The following EYS variants were observed in gnomAD, a reference collection of about 807,000 sequenced individuals.
EYS encodes the protein protein eyes shut homolog.
A neutral mutation model predicts 282.1 loss-of-function variants in EYS; 250 were observed. The ratio of observed to expected loss-of-function variants is 0.89; its 90% CI spans 0.80 to 0.98. The LOEUF (loss-of-function observed/expected upper bound fraction) is 0.98, where lower values mean the gene tolerates loss of function less well. Ranked by LOEUF, EYS falls within the 50% of genes least tolerant of loss-of-function variation. The pLI, the probability that EYS is intolerant of heterozygous loss-of-function variation, is 0.00. For missense variants in EYS, 4,016 were observed against 3,709.0 expected, an observed-to-expected ratio of 1.08 and a Z score of -2.15; for synonymous variants, 1,355 against 1,282.9, an observed-to-expected ratio of 1.06 and a Z score of -1.20.
chr6:65,664,226 G>A (rs1768124163), intron 1 of EYS, among the ~76,000 whole-genome samples: 1 of 152,060 alleles, frequency 6.6e-6, no homozygotes, highest in African/African-American at 2.4e-5. Context: ...AATAGTGAAA[G>A]AACCAGAAAG....
intron 5 of EYS, among the ~76,000 whole-genome samples, chr6:65,483,214 CTA>C (rs1225270118): frequency 6.6e-6 from 1 of 151,942 alleles, no homozygotes; most frequent in Non-Finnish European, 1.5e-5. Context: ...TATTTGTACT[CTA>C]TTTCACAATA....
At chr6:64,096,611 T>G (rs1449340595) in intron 31 of EYS, among the ~76,000 whole-genome samples, 1 of 152,238 alleles carries the variant, frequency 6.6e-6, no homozygotes. Context: ...TCAGGTCCTT[T>G]AAGGACTTCT....
rs1013019897 is a variant in EYS at position 65,560,672 on chromosome 6, C to A, written c.-332-64679G>T. On this transcript the variant is annotated intron_variant, in intron 2 of 42. Coordinates refer to ENST00000503581, the MANE Select transcript of EYS (RefSeq NM_001142800.2). Reference sequence around the variant, plus strand: ...ACATATTTTATTCTTTCTGAAGAATCTAAAAGCACACAACTTTTAAGTTAA... The same window carrying A: ...ACATATTTTATTCTTTCTGAAGAATATAAAAGCACACAACTTTTAAGTTAA... Among the ~76,000 whole-genome samples the A allele has an allele frequency of 4.0e-5, 6 of 151,548 alleles. No individual in the cohort carries two copies. The South Asian group carries it at 1.0e-3, about 26-fold the overall frequency.
intron 35 of EYS, among the ~76,000 whole-genome samples, chr6:63,943,654 T>C (rs1765306189): frequency 6.6e-6 from 1 of 152,234 alleles, no homozygotes; most frequent in Non-Finnish European, 1.5e-5. Context: ...TACATAGATT[T>C]AAGGCAATTC....
At chr6:65,297,679 A>G (rs750170681) in intron 11 of EYS, among the ~76,000 whole-genome samples, 1 of 151,994 alleles carries the variant, frequency 6.6e-6, no homozygotes, top group Non-Finnish European at 1.5e-5. Context: ...TGCATTTTTT[A>G]CTGGGCAAGT....
intron 26 of EYS, among the ~76,000 whole-genome samples, chr6:64,544,973 C>A (rs1199255328): frequency 6.6e-6 from 1 of 152,168 alleles, no homozygotes; most frequent in Non-Finnish European, 1.5e-5. Flanking sequence ...CCTTCTGAAA[C>A]TATTCCAATC....
At position 64,822,780 on chromosome 6, in the gene EYS, G is replaced by T; in HGVS notation, c.3035C>A (p.Pro1012His). 6.5e-7 allele frequency: 1 copy of T among 1,549,808 alleles called. No individual in the cohort carries two copies. The highest frequency in any genetic ancestry group is 8.7e-7 in the Non-Finnish European group (1 of 1,145,890). Residue 1012 changes from proline (P) to histidine (H), a missense_variant, in exon 20 of 43, where the codon CCC (proline) becomes CAC (histidine). Pro to His is a moderately conservative substitution (Grantham distance 77). Transcript: ENST00000503581. ...EINLDECLSE[P>H]CLHDGVCIDG... ...GATACAAACTCCATCATGGAGACAG[G>T]GCTCTGATAGGCATTCATCTAGATT...
intron 22 of EYS, among the ~76,000 whole-genome samples, chr6:64,754,595 C>T (rs1772872161): frequency 1.3e-5 from 2 of 152,042 alleles, no homozygotes; most frequent in Non-Finnish European, 2.9e-5. Flanking sequence ...CAATAAAATG[C>T]TAGTAAACCA....
chr6:64,227,728 A>G (rs1204191831), intron 31 of EYS, among the ~76,000 whole-genome samples: 1 of 152,120 alleles, frequency 6.6e-6, no homozygotes, highest in South Asian at 2.1e-4. Context: ...TCATTCCTGA[A>G]GCAGAAGTTC....
chr6:65,197,078 A>G (rs142337027), intron 12 of EYS, among the ~76,000 whole-genome samples: 11 of 152,094 alleles, frequency 7.2e-5, no homozygotes, highest in Admixed American at 2.0e-4. Context: ...AGCTTTGTGG[A>G]GAGTAACAAC....
chr6:64,435,638 T>A (rs1774717294), intron 28 of EYS, among the ~76,000 whole-genome samples: 1 of 151,704 alleles, frequency 6.6e-6, no homozygotes. Flanking sequence ...AAAATTAAAA[T>A]TTACTAAAAA....
chr6:64,991,584 T>C (rs940279211), intron 14 of EYS, among the ~76,000 whole-genome samples: 3 of 151,674 alleles, frequency 2.0e-5, no homozygotes, highest in Non-Finnish European at 4.4e-5. Flanking sequence ...GATTTTCTGA[T>C]TAGTAAATGC....
intron 33 of EYS, among the ~76,000 whole-genome samples, chr6:64,048,382 G>T (rs566114097): frequency 6.6e-6 from 1 of 152,168 alleles, no homozygotes; most frequent in African/African-American, 2.4e-5. Context: ...TTGTGACTTT[G>T]GTTCTGCATG....
chr6:64,759,051 A>G (rs1489848287), intron 22 of EYS, among the ~76,000 whole-genome samples: 1 of 152,172 alleles, frequency 6.6e-6, no homozygotes, highest in East Asian at 1.9e-4. Flanking sequence ...AGGCAGGAGA[A>G]TGGCGTGAAC....
At chr6:64,587,452 T>C (rs915515800) in intron 26 of EYS, among the ~76,000 whole-genome samples, 1 of 152,052 alleles carries the variant, frequency 6.6e-6, no homozygotes, top group African/African-American at 2.4e-5. Context: ...ATTTTTGCAT[T>C]GTAGAACATT....
intron 2 of EYS, among the ~76,000 whole-genome samples, chr6:65,526,811 A>C (rs1452736162): frequency 6.6e-6 from 1 of 152,192 alleles, no homozygotes; most frequent in Non-Finnish European, 1.5e-5. Context: ...GTCTCAAAAA[A>C]CAAAATTAAA....
intron 26 of EYS, among the ~76,000 whole-genome samples, chr6:64,505,069 T>C (rs886636723): frequency 9.9e-5 from 15 of 152,226 alleles, no homozygotes; most frequent in Non-Finnish European, 1.8e-4. Flanking sequence ...AGCATATGCT[T>C]AATTACTATC....
In EYS at chr6:65,398,007, A is replaced by T. The variant is rs1220885987; in HGVS notation, c.1184+4471T>A. 2.0e-5 allele frequency among the ~76,000 whole-genome samples: 3 copies of T among 151,962 alleles called. No individual in the cohort carries two copies. The South Asian group carries it at 6.2e-4, about 32-fold the overall frequency. On this transcript the variant is annotated intron_variant, in intron 7 of 42. Transcript: ENST00000503581. The stretch of plus-strand genomic sequence containing the variant: ...TTAATTTGTATTTATCTGATGATTA[A>T]AGATGTTGAGCATTTTTTATATGTT...
intron 36 of EYS, among the ~76,000 whole-genome samples, chr6:63,833,437 C>G (rs1771704666): frequency 1.3e-5 from 2 of 151,978 alleles, no homozygotes; most frequent in African/African-American, 4.8e-5. Context: ...ACAGCCAAAT[C>G]ATGAGTGAAC....
Sources: gnomAD v4.1 joint callset for allele counts (sites outside exome capture counted in the v4.1 genomes callset) on GRCh38, gnomAD v4.1.1 for gene constraint, MANE v1.5 for transcripts, NCBI Gene and HGNC (gene_info 2026-07-23, HGNC 2026-07-21) for gene names.